The following EIF3L variants were observed in gnomAD, a reference collection of about 807,000 sequenced individuals.
EIF3L encodes eIEF associated protein HSPC021.
A neutral mutation model predicts 74.6 loss-of-function variants in EIF3L; 32 were observed. That is an observed-to-expected ratio of 0.43 (90% CI 0.32 to 0.58). The LOEUF is 0.58. Among genes scored for constraint, EIF3L ranks in the 20% least tolerant of loss-of-function variants. The pLI is 0.06. For missense variants in EIF3L, 474 were observed against 707.8 expected (o/e 0.67, Z 3.75); for synonymous variants, 256 against 254.4 (o/e 1.01, Z -0.06).
intron 5 of EIF3L, among the ~76,000 whole-genome samples, chr22:37,860,926 A>AC (rs1925821986): frequency 6.6e-6 from 1 of 151,294 alleles, no homozygotes. Context: ...TTCCCTTCTC[A>AC]CTCATTTCCT....
chr22:37,866,889 G>T (rs893667392), intron 7 of EIF3L, among the ~76,000 whole-genome samples: 3 of 152,154 alleles, frequency 2.0e-5, no homozygotes, highest in East Asian at 1.9e-4. Context: ...CAGTGGATGA[G>T]ATTCAACAAA....
At chr22:37,887,582 GC>G (rs1005718102) in intron 12 of EIF3L, 1 of 152,474 alleles carries the variant, frequency 6.6e-6, no homozygotes, top group Non-Finnish European at 1.5e-5. Context: ...CTTGAGGTTG[GC>G]CCTTTAAATT....
At chr22:37,884,537 C>G (rs1056894183) in intron 11 of EIF3L, 1 of 152,082 alleles carries the variant, frequency 6.6e-6, no homozygotes, top group Non-Finnish European at 1.5e-5. Context: ...TTCTGGAAGA[C>G]TTGGTTTTTG....
intron 7 of EIF3L, among the ~76,000 whole-genome samples, chr22:37,866,431 T>C (rs1926154100): frequency 6.6e-6 from 1 of 152,190 alleles, no homozygotes; most frequent in Admixed American, 6.5e-5. Context: ...AGTAGAATTG[T>C]GGATTGAACG....
chr22:37,871,412 G>A (rs1251629908), intron 8 of EIF3L: 4 of 152,152 alleles, frequency 2.6e-5, no homozygotes, highest in African/African-American at 4.8e-5. Context: ...GCCGTAAGTA[G>A]AAAATTCTAC....
chr22:37,863,096 C>A, intron 6 of EIF3L, 58 bp downstream of exon 6: 3 of 1,379,158 alleles, frequency 2.2e-6, no homozygotes, highest in South Asian at 1.3e-5. Context: ...TCAGCATTGG[C>A]CTCCAGCTTT....
At chr22:37,886,670 C>A in intron 11 of EIF3L, 95 bp from the exon 12 acceptor site, 1 of 987,474 alleles carries the variant, frequency 1.0e-6, no homozygotes, top group Non-Finnish European at 1.5e-6. Context: ...TAACACTCAC[C>A]ATCATTATCA....
chr22:37,859,617 C>T (rs1459410298), intron 5 of EIF3L, among the ~76,000 whole-genome samples: 3 of 151,662 alleles, frequency 2.0e-5, no homozygotes, highest in East Asian at 3.9e-4. Context: ...CTCCTGACCT[C>T]GTGTTCCGCC....
At chr22:37,883,266 A>G (rs2145843181) in intron 11 of EIF3L, 1 of 148,868 alleles carries the variant, frequency 6.7e-6, no homozygotes, top group African/African-American at 2.5e-5. Context: ...ATTGCACTCC[A>G]GCCTGGGCAA....
At chr22:37,877,060 T>C (rs1926790322) in intron 10 of EIF3L, 1 of 152,452 alleles carries the variant, frequency 6.6e-6, no homozygotes, top group Non-Finnish European at 1.5e-5. Context: ...GATTTTGTTG[T>C]GTGAACATCA....
At position 37,850,003 on chromosome 22, in the gene EIF3L, CTT is replaced by C. The variant is rs1468834485; in HGVS notation, c.34-10_34-9del. 1.2e-6 allele frequency: 2 copies of C among 1,613,698 alleles called. No individual in the cohort carries two copies. The highest frequency in any genetic ancestry group is 2.2e-5 in the East Asian group (1 of 44,850). ...TTGGCGGCTGTCCTTGACTGTGTCT[CTT>C]TCCTTCTAGGCGGCTTATGACCCCT... On this transcript the variant is annotated splice_polypyrimidine_tract_variant and intron_variant, in intron 1 of 12. Transcript: ENST00000652021.
chr22:37,860,825 C>T (rs1031216907), intron 5 of EIF3L, among the ~76,000 whole-genome samples: 3 of 152,198 alleles, frequency 2.0e-5, no homozygotes, highest in Admixed American at 6.5e-5. Context: ...TAATAACCAG[C>T]ATGATCCTTT....
chr22:37,873,288 G>A (rs891593004), intron 8 of EIF3L, among the ~76,000 whole-genome samples: 8 of 144,052 alleles, frequency 5.6e-5, no homozygotes, highest in Admixed American at 3.6e-4. Flanking sequence ...GCTCAGTTGC[G>A]TATCAGTTTT....
At chr22:37,870,109 C>T (rs1926391974) in intron 7 of EIF3L, 67 bp from the exon 8 acceptor site, 1 of 1,416,232 alleles carries the variant, frequency 7.1e-7, no homozygotes, top group Admixed American at 2.2e-5. Flanking sequence ...TCGTTTTCAG[C>T]ATTGTGGACA....
At chr22:37,880,035 T>A (rs942755458) in intron 11 of EIF3L, 15 of 152,130 alleles carry the variant, frequency 9.9e-5, no homozygotes, top group African/African-American at 3.4e-4. Context: ...ACTCCTGACC[T>A]TGTGATCCGC....
At chr22:37,858,298 G>A (rs1358330888) in intron 4 of EIF3L, among the ~76,000 whole-genome samples, 1 of 130,212 alleles carries the variant, frequency 7.7e-6, no homozygotes, top group Non-Finnish European at 1.5e-5. Context: ...GATAATGGCT[G>A]ACTGCAACCT....
intron 4 of EIF3L, among the ~76,000 whole-genome samples, chr22:37,856,916 C>A (rs1601756068): frequency 1.3e-5 from 2 of 148,534 alleles, no homozygotes; most frequent in African/African-American, 2.5e-5. Flanking sequence ...TTTTTTTTCC[C>A]CAAGATTGTT....
chr22:37,877,813 C>G lies in EIF3L; in HGVS notation c.1217C>G (p.Pro406Arg). 6.2e-7 allele frequency: 1 copy of G among 1,613,880 alleles called. No individual in the cohort carries two copies. The highest frequency in any genetic ancestry group is 1.1e-5 in the South Asian group (1 of 91,076). The stretch of plus-strand genomic sequence containing the variant: ...ATGTTGCGCATGCAGAAAGGTGACC[C>G]ACAAGTCTATGAAGAACTTTTCAGT... ...DKMLRMQKGD[P>R]QVYEELFSYS... is the part of the protein sequence containing the mutation. The change falls in exon 11 of 13, where the codon CCA becomes CGA. Residue 406 changes from proline (P) to arginine (R), a missense_variant. Pro to Arg is a moderately radical substitution (Grantham distance 103). This residue lies in a region of EIF3L where 293 missense variants were observed against 469.1 expected (regional missense o/e 0.62). Coordinates refer to ENST00000652021, the MANE Select transcript of EIF3L (RefSeq NM_016091.4).
intron 10 of EIF3L, chr22:37,877,030 T>C (rs1374179181): frequency 6.6e-6 from 1 of 152,434 alleles, no homozygotes; most frequent in Middle Eastern, 3.2e-3. Flanking sequence ...AGATACATTC[T>C]GAGAAATGCA....
Sources: gnomAD v4.1 joint callset for allele counts (sites outside exome capture counted in the v4.1 genomes callset) on GRCh38, gnomAD v4.1.1 for gene constraint, gnomAD v4.1.1 regional missense constraint, MANE v1.5 for transcripts, NCBI Gene and HGNC (gene_info 2026-07-23, HGNC 2026-07-21) for gene names.